CD109: variants seen among roughly 807,000 people sequenced by gnomAD.
CD109 encodes the protein CD109 antigen.
A neutral mutation model predicts 165.8 loss-of-function variants in CD109; 149 were observed. The ratio of observed to expected loss-of-function variants is 0.90; its 90% confidence interval spans 0.79 to 1.03. The LOEUF is 1.03. Ranked by LOEUF, CD109 falls within the 50% of genes least tolerant of loss-of-function variation. CD109 has a pLI of 0.00. For synonymous variants in CD109, 585 were observed against 592.1 expected (o/e 0.99, Z 0.18); for missense variants, 1,712 against 1,677.8 (o/e 1.02, Z -0.36).
intron 3 of CD109, among the ~76,000 whole-genome samples, chr6:73,727,882 G>A (rs892689044): frequency 2.0e-4 from 30 of 152,172 alleles, no homozygotes; most frequent in African/African-American, 7.0e-4. Context: ...GATTCAAAGA[G>A]TCTGAGGACT....
At position 73,760,054 on chromosome 6, in the gene CD109, T is replaced by G. The variant is rs372537499; in HGVS notation, c.758+1026T>G. Among the ~76,000 whole-genome samples the G allele has an allele frequency of 8.2e-4, 125 of 152,248 alleles. 1 individual carries two copies. In the Middle Eastern group the frequency reaches 0.024, roughly 29 times the overall value. ...TATAGACTGCAAAGCAAAATTGACT[T>G]CCATGTCTGGCTCAGCATTTCACAA... On this transcript the variant is annotated intron_variant, in intron 7 of 32. Coordinates refer to ENST00000287097, the MANE Select transcript of CD109 (RefSeq NM_133493.5).
intron 15 of CD109, among the ~76,000 whole-genome samples, chr6:73,772,496 ACT>A (rs1366593983): frequency 7.6e-6 from 1 of 131,476 alleles, no homozygotes; most frequent in Non-Finnish European, 1.6e-5. Flanking sequence ...ACAGAGCAAG[ACT>A]CTGTCTCAAA....
intron 5 of CD109, among the ~76,000 whole-genome samples, chr6:73,751,142 G>A (rs1175436446): frequency 6.6e-6 from 1 of 152,152 alleles, no homozygotes; most frequent in Non-Finnish European, 1.5e-5. Flanking sequence ...TGATGTATAA[G>A]GATGAGTCAT....
intron 3 of CD109, among the ~76,000 whole-genome samples, chr6:73,723,724 C>T (rs2150170394): frequency 6.6e-6 from 1 of 152,210 alleles, no homozygotes; most frequent in South Asian, 2.1e-4. Flanking sequence ...GGGAACAACA[C>T]ACACTGGGGC....
intron 2 of CD109, among the ~76,000 whole-genome samples, chr6:73,720,849 C>A (rs1025210856): frequency 7.2e-5 from 11 of 152,214 alleles, no homozygotes; most frequent in Non-Finnish European, 1.3e-4. Flanking sequence ...GGCCTCCTGG[C>A]TACTGCTGTC....
chr6:73,759,871 G>C (rs1773541850), intron 7 of CD109, among the ~76,000 whole-genome samples: 1 of 151,968 alleles, frequency 6.6e-6, no homozygotes. Context: ...TTTTTGTTTG[G>C]AAGTGTGGTG....
chr6:73,713,546 A>T (rs1288944395), intron 2 of CD109, among the ~76,000 whole-genome samples: 1 of 151,878 alleles, frequency 6.6e-6, no homozygotes, highest in African/African-American at 2.4e-5. Flanking sequence ...GAGCTGCCAC[A>T]CCTGGCCTGG....
intron 5 of CD109, among the ~76,000 whole-genome samples, chr6:73,754,441 A>G (rs1228179511): frequency 6.6e-6 from 1 of 152,198 alleles, no homozygotes; most frequent in Admixed American, 6.6e-5. Context: ...GAGACGGTCA[A>G]TGGAAAGATG....
At chr6:73,695,784 C>T (rs1770796365), upstream of CD109, 1 of 210,668 alleles carries the variant, frequency 4.7e-6, no homozygotes, top group South Asian at 7.0e-5. Flanking sequence ...TTCCACTTCA[C>T]ATAGTTGCTA....
At chr6:73,811,170 T>G in intron 28 of CD109, 23 bp downstream of exon 28, 3 of 1,604,504 alleles carry the variant, frequency 1.9e-6, no homozygotes, top group Non-Finnish European at 1.7e-6. Flanking sequence ...GGCAGTTATT[T>G]AAAAATCAGT....
At chr6:73,732,495 C>G (rs537556635) in intron 4 of CD109, among the ~76,000 whole-genome samples, 1 of 152,260 alleles carries the variant, frequency 6.6e-6, no homozygotes, top group African/African-American at 2.4e-5. Context: ...ATGTCACCCC[C>G]CTGAGCAGAG....
chr6:73,760,657 C>A (rs1033477615), intron 7 of CD109, among the ~76,000 whole-genome samples: 1 of 151,688 alleles, frequency 6.6e-6, no homozygotes, highest in Non-Finnish European at 1.5e-5. Context: ...ACCAGCCTGG[C>A]CAATATGGTG....
chr6:73,780,912 G>A (rs569820262), intron 16 of CD109, among the ~76,000 whole-genome samples: 1 of 135,998 alleles, frequency 7.4e-6, no homozygotes, highest in South Asian at 2.3e-4. Context: ...GTGTGTGTAT[G>A]TGTGTGTGTG....
rs139794236 is a variant in CD109, at chr6:73,817,766, C to G, written c.3912-622C>G. The stretch of plus-strand genomic sequence containing the variant: ...CCTTTGATGCTCACATCACGTACAA[C>G]AGGGCGAGAGAAGGATGCAGTGTAA... On this transcript the variant is annotated intron_variant, in intron 30 of 32. Coordinates refer to ENST00000287097, the MANE Select transcript of CD109 (RefSeq NM_133493.5). Among the ~76,000 whole-genome samples, 464 of 152,254 alleles carry G rather than the reference C, an allele frequency of 3.0e-3. 1 individual carries two copies. The highest frequency in any genetic ancestry group is 0.01 in the African/African-American group (435 of 41,544).
chr6:73,713,535 T>C (rs377626599), intron 2 of CD109, among the ~76,000 whole-genome samples: 3 of 152,258 alleles, frequency 2.0e-5, no homozygotes, highest in East Asian at 3.9e-4. Flanking sequence ...ATTATAGGCG[T>C]GAGCTGCCAC....
intron 2 of CD109, among the ~76,000 whole-genome samples, chr6:73,699,853 TGG>T (rs1162665512): frequency 1.3e-5 from 2 of 152,234 alleles, no homozygotes; most frequent in Non-Finnish European, 2.9e-5. Flanking sequence ...TATCAGAGGC[TGG>T]GAGTTATTGT....
intron 20 of CD109, among the ~76,000 whole-genome samples, chr6:73,786,451 A>G (rs1479641859): frequency 1.3e-5 from 2 of 151,864 alleles, no homozygotes; most frequent in Non-Finnish European, 2.9e-5. Context: ...TGGGAAGTAA[A>G]TTTTTTTAAT....
chr6:73,766,431 G>A (rs1773848119), intron 11 of CD109, among the ~76,000 whole-genome samples: 1 of 151,746 alleles, frequency 6.6e-6, no homozygotes, highest in African/African-American at 2.4e-5. Context: ...AGTGTTTGAG[G>A]TCAGTCATTT....
At chr6:73,805,599 G>A (rs548848837) in intron 24 of CD109, among the ~76,000 whole-genome samples, 2 of 152,318 alleles carry the variant, frequency 1.3e-5, no homozygotes, top group East Asian at 3.9e-4. Context: ...GGGACGGTCA[G>A]GTCTTTCCCT....
Sources: gnomAD v4.1 joint callset for allele counts (sites outside exome capture counted in the v4.1 genomes callset) on GRCh38, gnomAD v4.1.1 for gene constraint, MANE v1.5 for transcripts, NCBI Gene and HGNC (gene_info 2026-07-23, HGNC 2026-07-21) for gene names.